Variants in PTPN5 observed in about 807,000 individuals in gnomAD.
PTPN5 encodes protein tyrosine phosphatase non-receptor type 5.
In PTPN5, 29 loss-of-function variants were observed where a neutral mutation model predicts 73.9. The ratio of observed to expected loss-of-function variants is 0.39; its 90% CI spans 0.29 to 0.54. The LOEUF (loss-of-function observed/expected upper bound fraction) is 0.54, where lower values mean the gene tolerates loss of function less well. PTPN5 is among the 20% of genes least tolerant of loss of function. The probability of loss-of-function intolerance (pLI) is 0.65; values close to 1 mark genes in which losing one functional copy is unlikely to be tolerated. For missense variants in PTPN5, 652 were observed against 751.4 expected, an observed-to-expected ratio of 0.87 and a Z score of 1.55; for synonymous variants, 267 against 304.7, an observed-to-expected ratio of 0.88 and a Z score of 1.29.
chr11:18,743,883 G>T, intron 4 of PTPN5, 123 bp downstream of exon 4: 1 of 1,166,212 alleles, frequency 8.6e-7, no homozygotes, highest in Non-Finnish European at 1.2e-6. Flanking sequence ...TGGAGCTCCT[G>T]AGGAACACCA....
chr11:18,785,629 T>C (rs4508188), intron 1 of PTPN5, among the ~76,000 whole-genome samples: 61,746 of 152,066 alleles, frequency 0.41, 12,821 homozygotes, highest in African/African-American at 0.45. Flanking sequence ...ATCTTCAGAA[T>C]TGATTCCAGA....
intron 12 of PTPN5, among the ~76,000 whole-genome samples, chr11:18,732,322 T>C (rs571084185): frequency 6.6e-6 from 1 of 152,250 alleles, no homozygotes; most frequent in Non-Finnish European, 1.5e-5. Context: ...GAAGCATAGC[T>C]AGAATGCATT....
chr11:18,743,896 G>A, intron 4 of PTPN5, 110 bp downstream of exon 4: 2 of 1,279,312 alleles, frequency 1.6e-6, no homozygotes, highest in Non-Finnish European at 2.1e-6. Flanking sequence ...GAACACCAGG[G>A]AGGCCCCTTA....
intron 1 of PTPN5, among the ~76,000 whole-genome samples, chr11:18,787,031 G>C (rs1190742114): frequency 6.6e-6 from 1 of 152,150 alleles, no homozygotes; most frequent in African/African-American, 2.4e-5. Context: ...GGAGGATGAA[G>C]AAAGACCAAA....
Position 18,742,842 on chromosome 11 carries a change from C to T in PTPN5, c.483+150G>A. Reference sequence around the variant, plus strand: ...TTTTCGGAAAGAAGGAGGCTCTTGCCCCAGGCTGGCACACTTGTGCAAAGA... The same window carrying T: ...TTTTCGGAAAGAAGGAGGCTCTTGCTCCAGGCTGGCACACTTGTGCAAAGA... On this transcript the variant is annotated intron_variant, in intron 6 of 14. Transcript: ENST00000358540. The surrounding 1 kb of genome is among the most constrained non-coding windows in gnomAD (Gnocchi z 4.1). 1 of 679,886 alleles carries T rather than the reference C, an allele frequency of 1.5e-6. No individual in the cohort carries two copies. The allele number at this position is 679,886 out of a possible 1,614,324, so 42.1% of individuals were successfully genotyped here.
chr11:18,729,530 G>A lies in PTPN5; in HGVS notation c.1527C>T (p.Thr509=). The A allele has an allele frequency of 6.2e-7, 1 of 1,601,058 alleles. No homozygotes were observed. The highest frequency in any genetic ancestry group is 8.5e-7 in the Non-Finnish European group (1 of 1,176,142). ...GIGRTGCFIA[T]SICCQQLRQE... ...GCCGCAGCTGCTGGCAGCAGATGCT[G>A]GTGGCAATGAAGCAGCCGGTCCTCC... The change falls in exon 14 of 15, where the codon ACC becomes ACT. Residue 509 remains threonine (T), a synonymous_variant. Coordinates refer to ENST00000358540, the MANE Select transcript of PTPN5 (RefSeq NM_006906.2). The surrounding 1 kb of genome is among the most constrained non-coding windows in gnomAD (Gnocchi z 5.2).
rs544896882 is a variant in PTPN5, at chr11:18,790,791, G to A, written c.-114+734C>T. On this transcript the variant is annotated intron_variant, in intron 1 of 14. Coordinates refer to ENST00000358540, the MANE Select transcript of PTPN5 (RefSeq NM_006906.2). ...AAAACCAGGAACCCTAGATTCTAAT[G>A]AAAGCTTTACCACTAACTCTCTGGT... 2.0e-5 allele frequency among the ~76,000 whole-genome samples: 3 copies of A among 152,258 alleles called. No individual in the cohort carries two copies. In the East Asian group the frequency reaches 5.8e-4, roughly 29 times the overall value.
In PTPN5 at chr11:18,775,902, T is replaced by A. The variant is rs140743438; in HGVS notation, c.-113-3831A>T. Among the ~76,000 whole-genome samples the A allele has an allele frequency of 6.2e-4, 95 of 152,254 alleles. 2 individuals are homozygous for A. The highest frequency in any genetic ancestry group is 2.3e-3 in the African/African-American group (95 of 41,540). On this transcript the variant is annotated intron_variant, in intron 1 of 14. Transcript: ENST00000358540. Reference sequence around the variant, plus strand: ...ACAGCATCAGGGAAACAGGCCTTGGTCCATGGAGCCCAACCTGCAAGCATG... The same window carrying A: ...ACAGCATCAGGGAAACAGGCCTTGGACCATGGAGCCCAACCTGCAAGCATG...
At chr11:18,767,269 G>C (rs1330106554) in intron 2 of PTPN5, among the ~76,000 whole-genome samples, 1 of 152,120 alleles carries the variant, frequency 6.6e-6, no homozygotes, top group African/African-American at 2.4e-5. Flanking sequence ...TCAGGTTCAG[G>C]GTGGCCCTTC....
chr11:18,777,255 G>A (rs1016134579), intron 1 of PTPN5, among the ~76,000 whole-genome samples: 2 of 152,194 alleles, frequency 1.3e-5, no homozygotes, highest in African/African-American at 4.8e-5. Flanking sequence ...TCCCCCACTG[G>A]CTGCCTGATC....
rs1372995554 is a variant in PTPN5 at position 18,728,945 on chromosome 11, A to T, written c.1687T>A (p.Ser563Thr). Residue 563 changes from serine (S) to threonine (T), a missense_variant, in exon 15 of 15, where the codon TCC becomes ACC. Coordinates refer to ENST00000358540, the MANE Select transcript of PTPN5 (RefSeq NM_006906.2). This position sits in a 1 kb window ranked among gnomAD's most constrained non-coding sequence, Gnocchi z 4.1. The part of the protein sequence containing the change: ...SLYEKQLSHQ[S>T]PE ...TAGGAGAAGCGCAGTCATTCTGGGG[A>T]CTGGTGGGACAGCTGCTTTTCGTAG... is the stretch of plus-strand genomic sequence containing the variant. 6.2e-7 allele frequency: 1 copy of T among 1,613,154 alleles called. No individual in the cohort carries two copies. Among genetic ancestry groups the T allele is most frequent in the Non-Finnish European group, 8.5e-7 (1 of 1,179,648 alleles).
intron 3 of PTPN5, among the ~76,000 whole-genome samples, chr11:18,752,789 T>C (rs1184234883): frequency 6.6e-6 from 1 of 152,178 alleles, no homozygotes; most frequent in Non-Finnish European, 1.5e-5. Flanking sequence ...CTAAAAGAGC[T>C]GACAGCAGAG....
chr11:18,748,550 T>C (rs1408641016), intron 3 of PTPN5, among the ~76,000 whole-genome samples: 2 of 152,126 alleles, frequency 1.3e-5, no homozygotes, highest in Admixed American at 6.6e-5. Flanking sequence ...TTTTTTTTAA[T>C]CCAGCAAGAT....
intron 3 of PTPN5, among the ~76,000 whole-genome samples, chr11:18,752,014 T>C (rs974764905): frequency 1.3e-5 from 2 of 152,170 alleles, no homozygotes; most frequent in East Asian, 3.8e-4. Flanking sequence ...GTGGATCACA[T>C]GAGGACAGGA....
At chr11:18,732,799 C>G in intron 11 of PTPN5, 97 bp from the exon 12 acceptor site, 3 of 985,276 alleles carry the variant, frequency 3.0e-6, no homozygotes, top group South Asian at 2.8e-5. Flanking sequence ...ACAAGGGCAA[C>G]AGGGTTGCTG....
rs1849317403 is a variant in PTPN5 at position 18,740,594 on chromosome 11, G to A, written c.915+9C>T. On this transcript the variant is annotated intron_variant, in intron 8 of 14. Coordinates refer to ENST00000358540, the MANE Select transcript of PTPN5 (RefSeq NM_006906.2). ...CACACAGTGGGGCGACCGGCTCAAG[G>A]GAACTCACAAAGAATTCCGCCTGCA... 1 of 1,552,090 alleles carries A rather than the reference G, an allele frequency of 6.4e-7. No individual in the cohort carries two copies. The highest frequency in any genetic ancestry group is 1.2e-5 in the South Asian group (1 of 81,514).
Position 18,729,462 on chromosome 11 carries a change from C to T in PTPN5, c.1595G>A (p.Arg532His), listed in dbSNP as rs746216346. The T allele has an allele frequency of 3.9e-6, 6 of 1,531,350 alleles. No individual in the cohort carries two copies. Among genetic ancestry groups the T allele is most frequent in the African/African-American group, 1.4e-5 (1 of 73,578 alleles). The allele number at this position is 1,531,350 out of a possible 1,614,324, so 94.9% of individuals were successfully genotyped here. ...CCGCCCGTGGGCTGACCTGTCCTGA[C>T]GGAGCTGGCACGTGGTCTTCAGGAT... Reference protein sequence around the residue: ...VDILKTTCQLRQDRGGMIQTC... With the variant: ...VDILKTTCQLHQDRGGMIQTC... Residue 532 changes from arginine (R) to histidine (H), a missense_variant, in exon 14 of 15, where the codon CGT (arginine) becomes CAT (histidine). Arg to His is a conservative substitution (Grantham distance 29). Transcript: ENST00000358540. This position sits in a 1 kb window ranked among gnomAD's most constrained non-coding sequence, Gnocchi z 5.2.
At chr11:18,760,466 A>G (rs189889219) in intron 3 of PTPN5, among the ~76,000 whole-genome samples, 3 of 152,318 alleles carry the variant, frequency 2.0e-5, no homozygotes, top group African/African-American at 7.2e-5. Context: ...AATACCCACA[A>G]TGATACAGAG....
At chr11:18,752,524 G>A (rs1849938356) in intron 3 of PTPN5, among the ~76,000 whole-genome samples, 1 of 152,198 alleles carries the variant, frequency 6.6e-6, no homozygotes, top group Admixed American at 6.5e-5. Context: ...TGGACTGGGG[G>A]TGGAGGAGTT....
Sources: allele counts gnomAD v4.1 joint callset (sites outside exome capture counted in the v4.1 genomes callset), GRCh38; gene constraint gnomAD v4.1.1; non-coding constraint Gnocchi (gnomAD v3.1); transcripts MANE v1.5; gene names NCBI Gene and HGNC (gene_info 2026-07-23, HGNC 2026-07-21).